The following DCPH1 variants were observed in gnomAD, a reference collection of about 807,000 sequenced individuals.
DCPH1 encodes the protein damage-control phosphatase 1.
chr6:151,468,625 T>G, the DCPH1 span: 3 of 1,614,154 alleles, frequency 1.9e-6, no homozygotes, highest in Non-Finnish European at 2.5e-6. Flanking sequence ...GGTTCATTTT[T>G]ATGGAAAAAC....
chr6:151,458,361 C>A, the DCPH1 span: 1 of 1,613,318 alleles, frequency 6.2e-7, no homozygotes, highest in Non-Finnish European at 8.5e-7. Flanking sequence ...AGCTATCTCT[C>A]TCCTTTCTAA....
chr6:151,455,452 G>A, the DCPH1 span, among the ~76,000 whole-genome samples: 46 of 152,308 alleles, frequency 3.0e-4, no homozygotes, highest in Admixed American at 2.8e-3. Flanking sequence ...TGGGGAGAGG[G>A]TCAGCAGACA....
the DCPH1 span, among the ~76,000 whole-genome samples, chr6:151,457,186 C>T: frequency 1.3e-5 from 2 of 152,190 alleles, no homozygotes; most frequent in African/African-American, 4.8e-5. Context: ...CCTCAGCGGT[C>T]AAACGTCCGT....
chr6:151,453,781 G>A, the DCPH1 span, among the ~76,000 whole-genome samples: 82,368 of 152,054 alleles, frequency 0.54, 25,014 homozygotes, highest in African/African-American at 0.82. Flanking sequence ...TATTTCCTTA[G>A]AATGATATAA....
At chr6:151,464,343 T>A in the DCPH1 span, 1 of 618,266 alleles carries the variant, frequency 1.6e-6, no homozygotes, top group Non-Finnish European at 2.7e-6. Context: ...TTATATCTAG[T>A]TTCTGTTAGC....
the DCPH1 span, among the ~76,000 whole-genome samples, chr6:151,456,746 A>G: frequency 2.0e-5 from 3 of 152,166 alleles, no homozygotes; most frequent in East Asian, 5.8e-4. Context: ...AAACTCCTAG[A>G]TTCCAGCAAT....
the DCPH1 span, chr6:151,464,374 G>A: frequency 1.1e-6 from 1 of 916,084 alleles, no homozygotes; most frequent in East Asian, 2.5e-5. Flanking sequence ...GAGACTGTAT[G>A]GTGCTATTTT....
the DCPH1 span, chr6:151,464,638 T>C: frequency 3.2e-6 from 5 of 1,554,376 alleles, no homozygotes; most frequent in Non-Finnish European, 4.4e-6. Flanking sequence ...ATCATTAATC[T>C]TCTGAGTATG....
At chr6:151,458,182 TAA>T in the DCPH1 span, 1 of 1,058,474 alleles carries the variant, frequency 9.4e-7, no homozygotes, top group South Asian at 1.7e-5. Flanking sequence ...ATTTTCAGTT[TAA>T]GAGTTCTAAA....
At chr6:151,469,786 T>C in the DCPH1 span, 2 of 152,566 alleles carry the variant, frequency 1.3e-5, no homozygotes, top group African/African-American at 4.8e-5. Flanking sequence ...TTTGAAGAAA[T>C]GTAATATCTT....
chr6:151,469,190 G>A, the DCPH1 span: 2 of 1,244,910 alleles, frequency 1.6e-6, no homozygotes, highest in Non-Finnish European at 2.2e-6. Context: ...CGTGAATTGA[G>A]TCGCCTGGCG....
the DCPH1 span, among the ~76,000 whole-genome samples, chr6:151,455,029 G>T: frequency 0.086 from 13,142 of 152,166 alleles, 790 homozygotes; most frequent in East Asian, 0.16. Flanking sequence ...TTACTAATTT[G>T]AGATCTTGAG....
chr6:151,454,364 A>G, the DCPH1 span, among the ~76,000 whole-genome samples: 1 of 152,266 alleles, frequency 6.6e-6, no homozygotes, highest in Non-Finnish European at 1.5e-5. Context: ...TTTGGCTTCC[A>G]TGACATACCA....
At chr6:151,456,282 T>C in the DCPH1 span, among the ~76,000 whole-genome samples, 1 of 151,976 alleles carries the variant, frequency 6.6e-6, no homozygotes, top group African/African-American at 2.4e-5. Context: ...GTACATTTTT[T>C]TTGAGAGTTG....
chr6:151,468,819 G>A, the DCPH1 span: 1 of 1,614,118 alleles, frequency 6.2e-7, no homozygotes, highest in Non-Finnish European at 8.5e-7. Context: ...ACTGTGCAAT[G>A]CCTCAGGTTG....
At chr6:151,456,240 A>C in the DCPH1 span, among the ~76,000 whole-genome samples, 2 of 152,272 alleles carry the variant, frequency 1.3e-5, no homozygotes, top group African/African-American at 4.8e-5. Flanking sequence ...TTTCTATTAC[A>C]CAATAGACTG....
At chr6:151,465,229 A>T in the DCPH1 span, among the ~76,000 whole-genome samples, 3 of 152,224 alleles carry the variant, frequency 2.0e-5, no homozygotes, top group Non-Finnish European at 4.4e-5. Context: ...TCATGCAAAC[A>T]TCCTGAAATT....
At chr6:151,452,563 GTC>G in the DCPH1 span, 2 of 1,611,676 alleles carry the variant, frequency 1.2e-6, no homozygotes, top group Non-Finnish European at 1.7e-6. Context: ...TCGTCCCGGC[GTC>G]TCTCTCAGGA....
At chr6:151,452,825 T>C in the DCPH1 span, 1 of 470,906 alleles carries the variant, frequency 2.1e-6, no homozygotes, top group African/African-American at 2.1e-5. Context: ...AGGGGTCAGC[T>C]TCGCGGTCTG....
Sources: allele counts gnomAD v4.1 joint callset (sites outside exome capture counted in the v4.1 genomes callset), GRCh38; gene constraint gnomAD v4.1.1; transcripts MANE v1.5; gene names NCBI Gene and HGNC (gene_info 2026-07-23, HGNC 2026-07-21).